Variants in CAPN7 observed in about 807,000 individuals in gnomAD.
CAPN7 encodes calpain 7, also known as calpain-7.
Under a neutral mutation model 115.2 loss-of-function variants are expected in CAPN7, and 72 were observed. That is an observed-to-expected ratio of 0.63 (90% CI 0.52 to 0.76). CAPN7 has a LOEUF of 0.76. Ranked by LOEUF, CAPN7 falls within the 30% of genes least tolerant of loss-of-function variation. CAPN7 has a pLI of 0.00. For synonymous variants in CAPN7, 344 were observed against 322.3 expected (o/e 1.07, Z -0.72); for missense variants, 905 against 971.5 (o/e 0.93, Z 0.91).
intron 12 of CAPN7, among the ~76,000 whole-genome samples, chr3:15,237,647 A>G (rs757153943): frequency 5.3e-5 from 8 of 152,134 alleles, no homozygotes; most frequent in South Asian, 2.1e-4. Flanking sequence ...GGTTTTTTAA[A>G]ATTATAATTT....
chr3:15,233,850 A>T lies in CAPN7; in HGVS notation c.1180-17A>T, dbSNP rs1694835664. The stretch of plus-strand genomic sequence containing the variant: ...TGAAAATGACACTGGCAGTCCTGAA[A>T]TGTGTTTCTGTTGCAGAATATTGAT... On this transcript the variant is annotated splice_polypyrimidine_tract_variant and intron_variant, in intron 10 of 20. Transcript: ENST00000253693. 2 of 1,376,816 alleles carry T rather than the reference A, an allele frequency of 1.5e-6. No homozygotes were observed. The highest frequency in any genetic ancestry group is 2.1e-6 in the Non-Finnish European group (2 of 965,720). 85.3% of individuals were successfully genotyped at this position (1,376,816 alleles called of 1,614,324 possible).
Position 15,251,331 on chromosome 3 carries a change from C to T in CAPN7, c.*71C>T. ...TTCTTCAAATAAGGACGCAAATCTT[C>T]AGGACAGTAAGCAGAACAATCAGAA... is the stretch of plus-strand genomic sequence containing the variant. On this transcript the variant is annotated 3_prime_UTR_variant, in exon 21 of 21. Coordinates refer to ENST00000253693, the MANE Select transcript of CAPN7 (RefSeq NM_014296.3). 8.1e-7 allele frequency: 1 copy of T among 1,238,644 alleles called. No homozygotes were observed. The highest frequency in any genetic ancestry group is 2.3e-5 in the Admixed American group (1 of 42,716). The allele number at this position is 1,238,644 out of a possible 1,614,324, so 76.7% of individuals were successfully genotyped here. A position where few individuals can be genotyped will look rare whatever the true frequency, so the allele number is the denominator to read the frequency against.
At chr3:15,219,404 A>C (rs1693830827) in intron 4 of CAPN7, among the ~76,000 whole-genome samples, 1 of 152,234 alleles carries the variant, frequency 6.6e-6, no homozygotes, top group African/African-American at 2.4e-5. Context: ...TCTTTTTTTA[A>C]CTGAAGTAAA....
chr3:15,243,926 C>A (rs562940462), intron 16 of CAPN7, among the ~76,000 whole-genome samples: 6 of 152,214 alleles, frequency 3.9e-5, no homozygotes, highest in Admixed American at 3.9e-4. Flanking sequence ...TTCACATGTA[C>A]CCCCAAACCT....
At position 15,206,329 on chromosome 3, in the gene CAPN7, C is replaced by T. The variant is rs921216398; in HGVS notation, c.-167C>T. 42 of 556,442 alleles carry T rather than the reference C, an allele frequency of 7.5e-5. No individual in the cohort carries two copies. Among genetic ancestry groups the T allele is most frequent in the Non-Finnish European group, 1.1e-4 (35 of 319,196 alleles). 34.5% of individuals were successfully genotyped at this position (556,442 alleles called of 1,614,324 possible). A position where few individuals can be genotyped will look rare whatever the true frequency, so the allele number is the denominator to read the frequency against. ...TGAGGGGCGCGGCTTCGCGGTGGAC[C>T]CCAGCCCGGCAACGGGAAGGCGAGC... On this transcript the variant is annotated 5_prime_UTR_variant, in exon 1 of 21. Coordinates refer to ENST00000253693, the MANE Select transcript of CAPN7 (RefSeq NM_014296.3).
chr3:15,221,215 T>C (rs1693961166), intron 5 of CAPN7, among the ~76,000 whole-genome samples: 1 of 152,112 alleles, frequency 6.6e-6, no homozygotes, highest in Non-Finnish European at 1.5e-5. Context: ...AGTGTCACTC[T>C]GTTGTTCAGG....
At chr3:15,216,887 G>A (rs1437019906) in intron 2 of CAPN7, among the ~76,000 whole-genome samples, 1 of 152,096 alleles carries the variant, frequency 6.6e-6, no homozygotes, top group Non-Finnish European at 1.5e-5. Context: ...TATCTCTGAT[G>A]TCTATTGTGT....
At chr3:15,237,982 T>TTA (rs1230775646) in intron 12 of CAPN7, among the ~76,000 whole-genome samples, 1 of 152,032 alleles carries the variant, frequency 6.6e-6, no homozygotes, top group African/African-American at 2.4e-5. Flanking sequence ...AAATGTATAT[T>TTA]TATATATAAA....
intron 19 of CAPN7, among the ~76,000 whole-genome samples, chr3:15,249,102 T>C (rs1695852927): frequency 6.6e-6 from 1 of 150,840 alleles, no homozygotes; most frequent in Non-Finnish European, 1.5e-5. Flanking sequence ...TACAAACTAA[T>C]CCAGCAGCAG....
chr3:15,206,758 G>A (rs554333749), intron 1 of CAPN7, among the ~76,000 whole-genome samples, 161 bp downstream of exon 1: 5 of 152,344 alleles, frequency 3.3e-5, no homozygotes, highest in Admixed American at 3.3e-4. Context: ...GCAAGCCCGA[G>A]TGCAGAGGCC....
rs1694753242 is a variant in CAPN7 at position 15,232,522 on chromosome 3, A to G, written c.1036A>G (p.Ile346Val). 1 of 1,601,388 alleles carries G rather than the reference A, an allele frequency of 6.2e-7. No homozygotes were observed. Among genetic ancestry groups the G allele is most frequent in the Non-Finnish European group, 8.5e-7 (1 of 1,175,958 alleles). ...GGTTAATGTTCTCTTTCTCCAGGTG[A>G]TAATTGATGACCAGTTACCTGTTGA... The part of the protein sequence containing the change: ...LHLNGVPRKV[I>V]IDDQLPVDHK... The change falls in exon 10 of 21, where the codon ATA (isoleucine) becomes GTA (valine). Residue 346 changes from isoleucine (I) to valine (V), a missense_variant. Coordinates refer to ENST00000253693, the MANE Select transcript of CAPN7 (RefSeq NM_014296.3).
rs138818018 is a variant in CAPN7 at position 15,231,780 on chromosome 3, G to A, written c.1033-739G>A. Among the ~76,000 whole-genome samples, 1,117 of 152,048 alleles carry A rather than the reference G, an allele frequency of 7.3e-3. 12 individuals are homozygous for A. The highest frequency in any genetic ancestry group is 0.023 in the African/African-American group (969 of 41,470). On this transcript the variant is annotated intron_variant, in intron 9 of 20. Transcript: ENST00000253693. ...CCTGACCTCATGATCCTCCCGCCTCGGCCTCCTAAAGTGCTGGGATTACAG... is the reference window on the plus strand; with the variant it reads ...CCTGACCTCATGATCCTCCCGCCTCAGCCTCCTAAAGTGCTGGGATTACAG...
rs1695184416 is a variant in CAPN7 at position 15,239,025 on chromosome 3, AG to A, written c.1408-1446del. ...TTGCTCTCCTTTGTGCTCCTCTTTT[AG>A]GAAGTGTTGAGAGTCCTGAAATGAG... On this transcript the variant is annotated intron_variant, in intron 12 of 20. Coordinates refer to ENST00000253693, the MANE Select transcript of CAPN7 (RefSeq NM_014296.3). 1.3e-5 allele frequency among the ~76,000 whole-genome samples: 2 copies of A among 151,996 alleles called. 1 individual carries two copies. Among genetic ancestry groups the A allele is most frequent in the Non-Finnish European group, 2.9e-5 (2 of 68,018 alleles).
chr3:15,233,883 C>A lies in CAPN7; in HGVS notation c.1196C>A (p.Ala399Glu). The A allele has an allele frequency of 1.3e-6, 2 of 1,593,210 alleles. No homozygotes were observed. The highest frequency in any genetic ancestry group is 1.7e-6 in the Non-Finnish European group (2 of 1,162,132). ...PGSNSNIDLH[A>E]LTGWIPERIA... ...CTGTTGCAGAATATTGATCTTCATG[C>A]ACTGACTGGCTGGATACCAGAAAGA... The change falls in exon 11 of 21, where the codon GCA (alanine) becomes GAA (glutamate). Residue 399 changes from alanine to glutamate, a missense_variant. Physicochemically the swap from Ala to Glu is moderately radical, Grantham distance 107. This residue lies in a region of CAPN7 where 620 missense variants were observed against 703.4 expected (regional missense o/e 0.88). Coordinates refer to ENST00000253693, the MANE Select transcript of CAPN7 (RefSeq NM_014296.3).
Position 15,240,787 on chromosome 3 carries a change from A to G in CAPN7, c.1586A>G (p.Gln529Arg). The G allele has an allele frequency of 6.2e-7, 1 of 1,612,298 alleles. No individual in the cohort carries two copies. The highest frequency in any genetic ancestry group is 8.5e-7 in the Non-Finnish European group (1 of 1,178,772). Residue 529 changes from glutamine (Q) to arginine (R), a missense_variant, in exon 14 of 21, where the codon CAG becomes CGG. By Grantham distance (43) the Gln-to-Arg change is conservative. Coordinates refer to ENST00000253693, the MANE Select transcript of CAPN7 (RefSeq NM_014296.3). ...IFWISWDDLC[Q>R]YYDVIYLSWN... ...TGGATTTCCTGGGATGATCTCTGCCAGTATTATGATGTGATTTATTTGAGT... is the reference window on the plus strand; with the variant it reads ...TGGATTTCCTGGGATGATCTCTGCCGGTATTATGATGTGATTTATTTGAGT...
chr3:15,235,750 G>A (rs1694952813), intron 12 of CAPN7, among the ~76,000 whole-genome samples: 1 of 152,198 alleles, frequency 6.6e-6, no homozygotes, highest in South Asian at 2.1e-4. Flanking sequence ...CTTGCCCACT[G>A]CTCACCTCCT....
At chr3:15,216,394 A>G (rs1269047356) in intron 2 of CAPN7, among the ~76,000 whole-genome samples, 2 of 152,118 alleles carry the variant, frequency 1.3e-5, no homozygotes, top group Non-Finnish European at 2.9e-5. Context: ...ACGTTCAGCA[A>G]TTTCTTATGT....
intron 12 of CAPN7, among the ~76,000 whole-genome samples, chr3:15,236,017 A>T (rs1407823602): frequency 6.6e-6 from 1 of 152,124 alleles, no homozygotes; most frequent in Non-Finnish European, 1.5e-5. Flanking sequence ...AAAAATAAAA[A>T]AAAATTAGCT....
chr3:15,220,706 A>G, intron 4 of CAPN7, 75 bp from the exon 5 acceptor site: 1 of 1,341,114 alleles, frequency 7.5e-7, no homozygotes, highest in Admixed American at 1.8e-5. Context: ...TGGTTCTTCA[A>G]GTAAATTTTG....
Sources: gnomAD v4.1 joint callset for allele counts (sites outside exome capture counted in the v4.1 genomes callset) on GRCh38, gnomAD v4.1.1 for gene constraint, gnomAD v4.1.1 regional missense constraint, MANE v1.5 for transcripts, NCBI Gene and HGNC (gene_info 2026-07-23, HGNC 2026-07-21) for gene names.